The following DMD variants were observed in gnomAD, a reference collection of about 807,000 sequenced individuals.
DMD encodes dystrophin, also known as mutant dystrophin.
DMD carries 63 observed loss-of-function variants against 330.1 expected under a neutral mutation model. The observed-to-expected ratio is 0.19, with a 90% CI of 0.16 to 0.24. DMD has a LOEUF of 0.24. Among genes scored for constraint, DMD ranks in the 10% least tolerant of loss-of-function variants. The probability of loss-of-function intolerance (pLI) is 1.00; values close to 1 mark genes in which losing one functional copy is unlikely to be tolerated. For missense variants in DMD, 3,344 were observed against 2,684.1 expected (o/e 1.25, Z -5.43); for synonymous variants, 1,223 against 959.8 (o/e 1.27, Z -5.07).
chrX:32,069,816 T>C (rs2096283762), intron 44 of DMD, among the ~76,000 whole-genome samples: 1 of 111,879 alleles, frequency 8.9e-6, no homozygotes, highest in Non-Finnish European at 1.9e-5. Context: ...ACTGTTCTTC[T>C]ATATTTGACA....
intron 1 of DMD, among the ~76,000 whole-genome samples, chrX:33,250,830 G>T (rs980604044): frequency 9.0e-6 from 1 of 110,904 alleles, no homozygotes; most frequent in African/African-American, 3.3e-5. Context: ...GCAGAGGAAT[G>T]CAGTTGTAAA....
chrX:32,607,453 TAAAA>T (rs66520025), intron 12 of DMD, among the ~76,000 whole-genome samples: 25,947 of 108,805 alleles, frequency 0.24, 2,421 homozygotes, highest in South Asian at 0.48. Flanking sequence ...ATGACTTAGA[TAAAA>T]ATTTAATTGT....
rs190085293 is a variant in DMD at position 31,252,111 on chromosome X, A to C, written c.9286+8844T>G. On this transcript the variant is annotated intron_variant, in intron 63 of 78. Transcript: ENST00000357033. ...GTCCATTAAAATGCCATAAATTTTG[A>C]TTTGGAAGTTACATTTCTATTTTAC... Among the ~76,000 whole-genome samples, 5 of 112,664 alleles carry C rather than the reference A, an allele frequency of 4.4e-5. No individual in the cohort carries two copies. The East Asian group carries it at 1.1e-3, about 25-fold the overall frequency.
chrX:32,494,142 G>A (rs755925640), intron 19 of DMD, among the ~76,000 whole-genome samples: 2 of 111,502 alleles, frequency 1.8e-5, no homozygotes, highest in African/African-American at 3.3e-5. Context: ...TGCAGTATCC[G>A]TTAAAATCTA....
At chrX:32,598,272 C>A (rs1419902090) in intron 12 of DMD, among the ~76,000 whole-genome samples, 1 of 111,738 alleles carries the variant, frequency 8.9e-6, no homozygotes, top group Non-Finnish European at 1.9e-5. Flanking sequence ...CATTCCAGAG[C>A]TTATAATGGT....
Position 32,824,917 on chromosome X carries a change from A to G in DMD, c.265-1530T>C, listed in dbSNP as rs543403344. 4.5e-5 allele frequency among the ~76,000 whole-genome samples: 5 copies of G among 111,744 alleles called. No individual in the cohort carries two copies. In the South Asian group the frequency reaches 1.5e-3, roughly 33 times the overall value. On this transcript the variant is annotated intron_variant, in intron 4 of 78. Transcript: ENST00000357033. ...AGAATAAGAAAGCATCATCATCTGC[A>G]TCATCATCTGGGGATTCCTCATATG...
chrX:31,591,496 T>A (rs1043196778), intron 55 of DMD, among the ~76,000 whole-genome samples: 3 of 111,535 alleles, frequency 2.7e-5, no homozygotes, highest in African/African-American at 9.7e-5. Flanking sequence ...GTATAAACTA[T>A]TTTTGCATTT....
intron 64 of DMD, among the ~76,000 whole-genome samples, chrX:31,214,937 CTTTTTTTTTTT>C (rs761569710): frequency 7.4e-4 from 28 of 38,091 alleles, no homozygotes; most frequent in African/African-American, 3.2e-3. Flanking sequence ...TTTCTTTTTT[CTTTTTTTTTTT>C]TTTTTTTTTT....
At chrX:32,524,234 C>T (rs2046736515) in intron 17 of DMD, among the ~76,000 whole-genome samples, 1 of 111,610 alleles carries the variant, frequency 9.0e-6, no homozygotes, top group African/African-American at 3.3e-5. Flanking sequence ...GCGCCCGGCC[C>T]CAGAAGAAAT....
chrX:32,720,259 A>C (rs1027317565), intron 7 of DMD, among the ~76,000 whole-genome samples: 1 of 111,148 alleles, frequency 9.0e-6, no homozygotes, highest in Admixed American at 9.6e-5. Flanking sequence ...CCTAGAAGAC[A>C]ATGCATTTTA....
chrX:31,818,481 T>C (rs1280451555), intron 50 of DMD, among the ~76,000 whole-genome samples: 1 of 111,292 alleles, frequency 9.0e-6, no homozygotes, highest in African/African-American at 3.3e-5. Flanking sequence ...ATGTGTAACG[T>C]GGCTTATATG....
At chrX:32,466,675 GAGGGAGAGGGAGATAGAC>G (rs1277419681) in intron 23 of DMD, among the ~76,000 whole-genome samples, 1 of 111,392 alleles carries the variant, frequency 9.0e-6, no homozygotes, top group Non-Finnish European at 1.9e-5. Context: ...GGTAGAAAGA[GAGGGAGAGGGAGATAGAC>G]AGGGAGAGAG....
rs1354042461 is a variant in DMD, at chrX:33,165,947, C to A, written c.31+45335G>T. The stretch of plus-strand genomic sequence containing the variant: ...GAGCAGTAACTGAGGGTAAAGGAAG[C>A]GCTCAAGTTTTGATGTATAGGAAGC... On this transcript the variant is annotated intron_variant, in intron 1 of 78. Transcript: ENST00000357033. 3.6e-5 allele frequency among the ~76,000 whole-genome samples: 4 copies of A among 110,969 alleles called. No individual in the cohort carries two copies. The East Asian group carries it at 1.1e-3, about 32-fold the overall frequency.
At chrX:32,990,641 G>T (rs181455083) in intron 2 of DMD, among the ~76,000 whole-genome samples, 2 of 111,499 alleles carry the variant, frequency 1.8e-5, no homozygotes, top group East Asian at 5.7e-4. Context: ...AACATGAAAT[G>T]GTTCATAACT....
intron 4 of DMD, among the ~76,000 whole-genome samples, chrX:32,836,128 T>G (rs756090967): frequency 5.5e-5 from 6 of 109,047 alleles, no homozygotes; most frequent in Non-Finnish European, 9.5e-5. Context: ...GCCTCATGGG[T>G]TCAAGTGATT....
chrX:32,469,438 T>G (rs981921069), intron 22 of DMD, among the ~76,000 whole-genome samples: 9 of 110,995 alleles, frequency 8.1e-5, no homozygotes, highest in Non-Finnish European at 1.7e-4. Flanking sequence ...TATAGCTAAA[T>G]ATTAAATATA....
chrX:32,238,086 C>A (rs2059997129), intron 43 of DMD, among the ~76,000 whole-genome samples: 1 of 111,858 alleles, frequency 8.9e-6, no homozygotes, highest in Non-Finnish European at 1.9e-5. Flanking sequence ...AAGGCTATCT[C>A]TGAAAATTAT....
In DMD at chrX:32,849,326, G is replaced by T. The variant is rs891194638; in HGVS notation, c.186+402C>A. ...ATATTTTCATCACATATGCTATCAC[G>T]TATTACACTATAATGCCTGTACCTT... On this transcript the variant is annotated intron_variant, in intron 3 of 78. Coordinates refer to ENST00000357033, the MANE Select transcript of DMD (RefSeq NM_004006.3). 2.7e-5 allele frequency among the ~76,000 whole-genome samples: 3 copies of T among 111,386 alleles called. No individual in the cohort carries two copies. The East Asian group carries it at 8.5e-4, about 32-fold the overall frequency.
At chrX:33,201,082 C>T (rs1432708069) in intron 1 of DMD, among the ~76,000 whole-genome samples, 3 of 108,999 alleles carry the variant, frequency 2.8e-5, no homozygotes, top group Admixed American at 9.9e-5. Context: ...CAGGTGCACG[C>T]CACCACGTCT....
Sources: gnomAD v4.1 joint callset for allele counts (sites outside exome capture counted in the v4.1 genomes callset) on GRCh38, gnomAD v4.1.1 for gene constraint, MANE v1.5 for transcripts, NCBI Gene and HGNC (gene_info 2026-07-23, HGNC 2026-07-21) for gene names.